GLIS3: variants seen among roughly 807,000 people sequenced by gnomAD.
GLIS3 encodes zinc finger protein GLIS3.
In GLIS3, 53 loss-of-function variants were observed where a neutral mutation model predicts 78.6. The observed-to-expected ratio is 0.67, with a 90% CI of 0.54 to 0.85. The LOEUF is 0.85. Among genes scored for constraint, GLIS3 ranks in the 40% least tolerant of loss-of-function variants. The pLI is 0.00. For synonymous variants in GLIS3, 684 were observed against 509.9 expected, an observed-to-expected ratio of 1.34 and a Z score of -4.60; for missense variants, 1,703 against 1,231.1, an observed-to-expected ratio of 1.38 and a Z score of -5.74.
intron 4 of GLIS3, among the ~76,000 whole-genome samples, chr9:4,067,324 T>C (rs1827187413): frequency 6.6e-6 from 1 of 151,936 alleles, no homozygotes; most frequent in Admixed American, 6.6e-5. Flanking sequence ...TTCTTAACAA[T>C]ACTTTATTTT....
At chr9:4,297,955 G>A (rs1183022263) in intron 1 of GLIS3, among the ~76,000 whole-genome samples, 5 of 152,120 alleles carry the variant, frequency 3.3e-5, no homozygotes, top group African/African-American at 9.7e-5. Context: ...GGGTCCGGAG[G>A]CGGAGGCGAC....
intron 4 of GLIS3, among the ~76,000 whole-genome samples, chr9:4,030,781 G>C (rs1823771222): frequency 1.3e-5 from 2 of 152,132 alleles, no homozygotes; most frequent in African/African-American, 4.8e-5. Flanking sequence ...AAAGAGTACA[G>C]GACACCAGGA....
chr9:4,161,365 T>C (rs1173042849), intron 2 of GLIS3, among the ~76,000 whole-genome samples: 1 of 152,158 alleles, frequency 6.6e-6, no homozygotes, highest in Non-Finnish European at 1.5e-5. Context: ...TGTTTTAGCA[T>C]TTCCACAACA....
intron 2 of GLIS3, among the ~76,000 whole-genome samples, chr9:4,237,730 T>A (rs545279316): frequency 2.0e-5 from 3 of 152,350 alleles, no homozygotes; most frequent in Admixed American, 2.0e-4. Context: ...TTTGCAGTAT[T>A]TTCCCCACTG....
chr9:4,118,756 C>A lies in GLIS3; in HGVS notation c.722G>T (p.Gly241Val). The change falls in exon 4 of 11, where the codon GGC becomes GTC. Residue 241 changes from glycine to valine, a missense_variant. Physicochemically the swap from Gly to Val is moderately radical, Grantham distance 109. Transcript: ENST00000381971. This position sits in a 1 kb window ranked among gnomAD's most constrained non-coding sequence, Gnocchi z 4.7. The stretch of plus-strand genomic sequence containing the variant: ...CCCTAGATCAAGGCCATTCTGAGAG[C>A]CGTGGTTGGAGAGCGAAGGGAGGGC... ...YRALPSLSNH[G>V]SQNGLDLGDL... The A allele has an allele frequency of 1.9e-6, 3 of 1,613,804 alleles. No individual in the cohort carries two copies. The highest frequency in any genetic ancestry group is 2.5e-6 in the Non-Finnish European group (3 of 1,180,012).
intron 1 of GLIS3, among the ~76,000 whole-genome samples, chr9:4,289,601 T>G (rs1236947738): frequency 6.6e-6 from 1 of 152,038 alleles, no homozygotes; most frequent in Non-Finnish European, 1.5e-5. Context: ...ATCACATTAT[T>G]CTAGTCAGCA....
chr9:4,098,815 C>CA (rs1391573494), intron 4 of GLIS3, among the ~76,000 whole-genome samples: 2 of 152,250 alleles, frequency 1.3e-5, no homozygotes, highest in South Asian at 4.1e-4. Flanking sequence ...GAAACTTACT[C>CA]ATTTGTCACC....
At chr9:4,139,272 T>C (rs979954719) in intron 2 of GLIS3, among the ~76,000 whole-genome samples, 1 of 152,226 alleles carries the variant, frequency 6.6e-6, no homozygotes, top group South Asian at 2.1e-4. Flanking sequence ...GACCCCTCAC[T>C]GTACGGAGCA....
chr9:4,148,813 G>A (rs1430149765), intron 2 of GLIS3, among the ~76,000 whole-genome samples: 1 of 152,074 alleles, frequency 6.6e-6, no homozygotes, highest in African/African-American at 2.4e-5. Flanking sequence ...AAATTGCTGA[G>A]AAGCCTGGAG....
chr9:4,334,787 C>G (rs1215578092), intron 2 of GLIS3, among the ~76,000 whole-genome samples: 1 of 152,176 alleles, frequency 6.6e-6, no homozygotes, highest in Non-Finnish European at 1.5e-5. Context: ...TGGGGCTTGT[C>G]CAAGGCCATT....
the GLIS3 span, among the ~76,000 whole-genome samples, chr9:4,374,995 A>C: frequency 0.79 from 111,626 of 141,146 alleles, 41,202 homozygotes; most frequent in African/African-American, 0.83. Flanking sequence ...GATTATTTCA[A>C]CCCCCCTACT....
chr9:4,329,085 T>C (rs1299547052), intron 2 of GLIS3, among the ~76,000 whole-genome samples: 2 of 152,232 alleles, frequency 1.3e-5, no homozygotes, highest in African/African-American at 2.4e-5. Flanking sequence ...CTTAGAGAAA[T>C]AGCCTAGACC....
intron 9 of GLIS3, among the ~76,000 whole-genome samples, chr9:3,831,242 G>C (rs745456374): frequency 1.3e-5 from 2 of 152,162 alleles, no homozygotes; most frequent in African/African-American, 4.8e-5. Context: ...GCCAGAAGAA[G>C]AAAGAATGGA....
intron 4 of GLIS3, among the ~76,000 whole-genome samples, chr9:4,084,256 A>AACACACACATAC (rs1554691507): frequency 6.8e-5 from 9 of 132,118 alleles, no homozygotes; most frequent in Admixed American, 1.6e-4. Flanking sequence ...TCCTCTCTCT[A>AACACACACATAC]ACACACACAC....
Position 4,173,599 on chromosome 9 carries a change from CACAT to C in GLIS3, c.389-47662_389-47659del, listed in dbSNP as rs1198532577. Among the ~76,000 whole-genome samples, 66 of 94,692 alleles carry C rather than the reference CACAT, an allele frequency of 7.0e-4. 1 individual carries two copies. The highest frequency in any genetic ancestry group is 1.4e-3 in the East Asian group (4 of 2,866). 62.1% of individuals were successfully genotyped at this position (94,692 alleles called of 152,430 possible). ...ACACACACACACACACACACACACA[CACAT>C]ATATATGTTTGTTTTTGAAACAAGG... On this transcript the variant is annotated intron_variant, in intron 2 of 10. Transcript: ENST00000381971.
chr9:4,303,338 T>TTAAA (rs1817142884), upstream of GLIS3, among the ~76,000 whole-genome samples: 2 of 152,046 alleles, frequency 1.3e-5, no homozygotes, highest in Non-Finnish European at 2.9e-5. Context: ...AAAAAGTTAG[T>TTAAA]GTTTGCCAAC....
At chr9:3,872,820 A>G (rs1186953843) in intron 8 of GLIS3, among the ~76,000 whole-genome samples, 1 of 152,232 alleles carries the variant, frequency 6.6e-6, no homozygotes, top group Admixed American at 6.5e-5. Flanking sequence ...CTTATATCAA[A>G]AAAGTAGAAA....
chr9:4,131,066 G>T (rs187676314), intron 2 of GLIS3, among the ~76,000 whole-genome samples: 2 of 152,312 alleles, frequency 1.3e-5, no homozygotes, highest in African/African-American at 2.4e-5. Context: ...CTGCCCTAGG[G>T]GGGGTTGGGG....
At chr9:4,354,976 C>A in the GLIS3 span, among the ~76,000 whole-genome samples, 1 of 151,634 alleles carries the variant, frequency 6.6e-6, no homozygotes, top group African/African-American at 2.4e-5. Context: ...ATTACCCAGG[C>A]GTGGTGGCGG....
Sources: gnomAD v4.1 joint callset for allele counts (sites outside exome capture counted in the v4.1 genomes callset) on GRCh38, gnomAD v4.1.1 for gene constraint, Gnocchi (gnomAD v3.1) non-coding constraint, MANE v1.5 for transcripts, NCBI Gene and HGNC (gene_info 2026-07-23, HGNC 2026-07-21) for gene names.